Variants in SDK1 observed in about 807,000 individuals in gnomAD.
SDK1 encodes the protein sidekick cell adhesion molecule 1, also known as protein sidekick-1.
A neutral mutation model predicts 245.5 loss-of-function variants in SDK1; 157 were observed. That is an observed-to-expected ratio of 0.64 (90% confidence interval 0.56 to 0.73). The LOEUF is 0.73. Among genes scored for constraint, SDK1 ranks in the 30% least tolerant of loss-of-function variants. SDK1 has a pLI of 0.00. For synonymous variants in SDK1, 1,647 were observed against 1,278.5 expected (o/e 1.29, Z -6.15); for missense variants, 3,583 against 3,002.3 (o/e 1.19, Z -4.52).
intron 13 of SDK1, among the ~76,000 whole-genome samples, chr7:3,982,222 C>A (rs895314941): frequency 9.9e-5 from 15 of 152,208 alleles, no homozygotes; most frequent in African/African-American, 3.6e-4. Context: ...GCATGTTTTA[C>A]TGAATATTTC....
chr7:4,006,473 G>A (rs559388678), intron 14 of SDK1, among the ~76,000 whole-genome samples: 1 of 152,210 alleles, frequency 6.6e-6, no homozygotes, highest in Non-Finnish European at 1.5e-5. Context: ...AGGACCGGCT[G>A]GGGGCGGACC....
rs761764075 is a variant in SDK1 at position 4,189,503 on chromosome 7, C to T, written c.5098+10917C>T. Among the ~76,000 whole-genome samples the T allele has an allele frequency of 6.2e-4, 94 of 152,154 alleles. 1 individual carries two copies. The highest frequency in any genetic ancestry group is 6.8e-4 in the Non-Finnish European group (46 of 68,038). Reference sequence around the variant, plus strand: ...TGTCCAGCACTGTGGCCTTTAGCCCCGCAACTTTCACCAAAAACAGAAGAC... The same window carrying T: ...TGTCCAGCACTGTGGCCTTTAGCCCTGCAACTTTCACCAAAAACAGAAGAC... On this transcript the variant is annotated intron_variant, in intron 35 of 44. Transcript: ENST00000404826.
intron 14 of SDK1, among the ~76,000 whole-genome samples, chr7:3,995,309 C>G (rs936617242): frequency 6.6e-6 from 1 of 152,180 alleles, no homozygotes; most frequent in Non-Finnish European, 1.5e-5. Flanking sequence ...TCAGCATCTC[C>G]TTTTAGGCAT....
intron 4 of SDK1, among the ~76,000 whole-genome samples, chr7:3,690,954 A>G (rs766866656): frequency 6.6e-6 from 1 of 152,212 alleles, no homozygotes; most frequent in African/African-American, 2.4e-5. Flanking sequence ...GTTTCCTTCC[A>G]GGACTCTGTG....
chr7:4,067,299 T>C (rs1400002248), intron 19 of SDK1, among the ~76,000 whole-genome samples: 1 of 152,132 alleles, frequency 6.6e-6, no homozygotes, highest in Non-Finnish European at 1.5e-5. Flanking sequence ...AGGAATTTGT[T>C]TTTGCTGGGA....
chr7:3,607,884 A>G (rs1379435943), intron 1 of SDK1, among the ~76,000 whole-genome samples: 2 of 152,236 alleles, frequency 1.3e-5, no homozygotes, highest in Non-Finnish European at 2.9e-5. Flanking sequence ...CCTTGAGACA[A>G]GTCTAGAGCA....
chr7:3,475,019 C>A lies in SDK1; in HGVS notation c.299-144061C>A, dbSNP rs528757251. Among the ~76,000 whole-genome samples the A allele has an allele frequency of 2.0e-4, 30 of 152,262 alleles. No individual in the cohort carries two copies. The South Asian group carries it at 5.2e-3, about 26-fold the overall frequency. Reference sequence around the variant, plus strand: ...ACCCATTGTATCATCCTAACTGATACCCCTGCATTCACTTGGTACTCTCCC... The same window carrying A: ...ACCCATTGTATCATCCTAACTGATAACCCTGCATTCACTTGGTACTCTCCC... On this transcript the variant is annotated intron_variant, in intron 1 of 44. Coordinates refer to ENST00000404826, the MANE Select transcript of SDK1 (RefSeq NM_152744.4).
At chr7:4,000,221 G>A (rs1267918521) in intron 14 of SDK1, among the ~76,000 whole-genome samples, 1 of 152,246 alleles carries the variant, frequency 6.6e-6, no homozygotes, top group African/African-American at 2.4e-5. Flanking sequence ...CTGTGAGCTT[G>A]ACTAGAGCAT....
At chr7:3,704,278 TTATC>T (rs1456601347) in intron 4 of SDK1, among the ~76,000 whole-genome samples, 1 of 152,140 alleles carries the variant, frequency 6.6e-6, no homozygotes, top group African/African-American at 2.4e-5. Flanking sequence ...CATTTTTTCT[TTATC>T]TACTCATTGT....
intron 5 of SDK1, among the ~76,000 whole-genome samples, chr7:3,862,884 A>T (rs186972033): frequency 1.3e-5 from 2 of 152,254 alleles, no homozygotes; most frequent in Non-Finnish European, 2.9e-5. Flanking sequence ...GGAGCATGCA[A>T]CCCATATGGA....
intron 5 of SDK1, among the ~76,000 whole-genome samples, chr7:3,903,207 A>C (rs755214304): frequency 6.7e-6 from 1 of 149,626 alleles, no homozygotes; most frequent in Non-Finnish European, 1.5e-5. Flanking sequence ...GCAGTGGTGT[A>C]ATCTCGGCTC....
chr7:3,388,429 C>T (rs1445998115), intron 1 of SDK1, among the ~76,000 whole-genome samples: 1 of 151,458 alleles, frequency 6.6e-6, no homozygotes, highest in Admixed American at 6.6e-5. Flanking sequence ...GAGACTGGGT[C>T]TCATTTTGTT....
At chr7:3,391,563 A>T (rs567350926) in intron 1 of SDK1, among the ~76,000 whole-genome samples, 3 of 152,074 alleles carry the variant, frequency 2.0e-5, no homozygotes, top group Non-Finnish European at 4.4e-5. Context: ...ACAATTTAAA[A>T]GTATATATAT....
intron 14 of SDK1, among the ~76,000 whole-genome samples, chr7:4,007,916 CAT>C (rs1491108604): frequency 3.3e-5 from 5 of 152,146 alleles, no homozygotes; most frequent in African/African-American, 9.7e-5. Flanking sequence ...GTGAAACACA[CAT>C]AAAAAATCCA....
At chr7:3,983,780 A>G (rs1304639974) in intron 13 of SDK1, among the ~76,000 whole-genome samples, 1 of 152,186 alleles carries the variant, frequency 6.6e-6, no homozygotes, top group East Asian at 1.9e-4. Context: ...GGAAAAATCA[A>G]TATTTCCTTC....
chr7:3,324,778 G>A (rs2128548750), intron 1 of SDK1, among the ~76,000 whole-genome samples: 1 of 152,152 alleles, frequency 6.6e-6, no homozygotes, highest in Middle Eastern at 3.4e-3. Flanking sequence ...TTTTTGACCA[G>A]TGCTTTAAGT....
chr7:3,722,879 GA>G (rs1778863545), intron 4 of SDK1, among the ~76,000 whole-genome samples: 3 of 152,160 alleles, frequency 2.0e-5, no homozygotes, highest in African/African-American at 7.2e-5. Flanking sequence ...CCTCTCTCAG[GA>G]CATATGCTTT....
intron 5 of SDK1, among the ~76,000 whole-genome samples, chr7:3,870,569 GA>G (rs11346429): frequency 0.21 from 30,688 of 148,392 alleles, 3,304 homozygotes; most frequent in Middle Eastern, 0.28. Flanking sequence ...TTGTAAAAAA[GA>G]AAAAAAAAAG....
Position 4,146,095 on chromosome 7 carries a change from A to T in SDK1, c.4423+179A>T, listed in dbSNP as rs371549280. ...TGACATGGAGCTGGACACACTATCA[A>T]ACAGCATTGCATTCACACCTTCAGC... On this transcript the variant is annotated intron_variant, in intron 29 of 44. Coordinates refer to ENST00000404826, the MANE Select transcript of SDK1 (RefSeq NM_152744.4). Among the ~76,000 whole-genome samples, 490 of 151,594 alleles carry T rather than the reference A, an allele frequency of 3.2e-3. 17 individuals carry two copies. In the South Asian group the frequency reaches 0.075, roughly 23 times the overall value.
Sources: allele counts gnomAD v4.1 joint callset (sites outside exome capture counted in the v4.1 genomes callset), GRCh38; gene constraint gnomAD v4.1.1; transcripts MANE v1.5; gene names NCBI Gene and HGNC (gene_info 2026-07-23, HGNC 2026-07-21).